The following BRINP3 variants were observed in gnomAD, a reference collection of about 807,000 sequenced individuals.
BRINP3 encodes BMP/retinoic acid inducible neural specific 3, also known as BMP/retinoic acid-inducible neural-specific protein 3.
Under a neutral mutation model 71.0 loss-of-function variants are expected in BRINP3, and 19 were observed. That is an observed-to-expected ratio of 0.27 (90% CI 0.19 to 0.39). The LOEUF (loss-of-function observed/expected upper bound fraction) is 0.39. Ranked by LOEUF, BRINP3 falls within the 10% of genes least tolerant of loss-of-function variation. The probability of loss-of-function intolerance (pLI) is 1.00; values close to 1 mark genes in which losing one functional copy is unlikely to be tolerated. For missense variants in BRINP3, 959 were observed against 940.8 expected, an observed-to-expected ratio of 1.02 and a Z score of -0.25; for synonymous variants, 380 against 337.7, an observed-to-expected ratio of 1.13 and a Z score of -1.37.
intron 1 of BRINP3, among the ~76,000 whole-genome samples, chr1:190,456,006 A>T (rs1483175410): frequency 6.6e-6 from 1 of 152,198 alleles, no homozygotes; most frequent in Non-Finnish European, 1.5e-5. Context: ...GAGTGCAAAG[A>T]TTCTGACTAA....
intron 2 of BRINP3, among the ~76,000 whole-genome samples, chr1:190,453,610 G>A (rs569523011): frequency 7.9e-5 from 12 of 152,190 alleles, no homozygotes; most frequent in South Asian, 4.2e-4. Context: ...TCTTATTTTT[G>A]AGAAGGCAAA....
chr1:190,169,039 C>T (rs1374322844), intron 6 of BRINP3, among the ~76,000 whole-genome samples: 1 of 152,140 alleles, frequency 6.6e-6, no homozygotes, highest in Non-Finnish European at 1.5e-5. Flanking sequence ...CGTAGATCAT[C>T]TCACTGTGCC....
At chr1:190,169,103 G>A (rs1264037438) in intron 6 of BRINP3, among the ~76,000 whole-genome samples, 2 of 152,062 alleles carry the variant, frequency 1.3e-5, no homozygotes, top group Non-Finnish European at 2.9e-5. Flanking sequence ...TGTGAAATAT[G>A]TAAAAAAACA....
chr1:190,255,344 T>C (rs1660565946), intron 4 of BRINP3, among the ~76,000 whole-genome samples: 2 of 152,130 alleles, frequency 1.3e-5, no homozygotes, highest in Non-Finnish European at 2.9e-5. Flanking sequence ...ATTGGAATGG[T>C]TTCAGAAGGA....
chr1:190,453,203 ATTTTTTTTTTT>A (rs1190785225), intron 2 of BRINP3, among the ~76,000 whole-genome samples: 349 of 40,900 alleles, frequency 8.5e-3, no homozygotes, highest in African/African-American at 0.029. Flanking sequence ...AAACTTTAGT[ATTTTTTTTTTT>A]TTTTTTTTTT....
chr1:190,193,877 C>A (rs1654256227), intron 6 of BRINP3, among the ~76,000 whole-genome samples: 1 of 152,004 alleles, frequency 6.6e-6, no homozygotes, highest in Non-Finnish European at 1.5e-5. Flanking sequence ...AGGGTAAGAG[C>A]CAATCTTCTG....
intron 7 of BRINP3, among the ~76,000 whole-genome samples, chr1:190,147,148 A>C (rs1655960317): frequency 6.6e-6 from 1 of 151,996 alleles, no homozygotes; most frequent in Non-Finnish European, 1.5e-5. Context: ...AGTTTTTTAA[A>C]ATTATATTCT....
chr1:190,411,500 C>T (rs2102409918), intron 2 of BRINP3, among the ~76,000 whole-genome samples: 1 of 152,090 alleles, frequency 6.6e-6, no homozygotes, highest in East Asian at 1.9e-4. Context: ...ACTCTGTAAA[C>T]TTTGTGTGAA....
At chr1:190,384,221 GT>G (rs1670737296) in intron 2 of BRINP3, among the ~76,000 whole-genome samples, 1 of 150,610 alleles carries the variant, frequency 6.6e-6, no homozygotes, top group Non-Finnish European at 1.5e-5. Flanking sequence ...TTAGTATAGT[GT>G]CATGAATATG....
chr1:190,398,710 T>C (rs1558250926), intron 2 of BRINP3, among the ~76,000 whole-genome samples: 1 of 152,048 alleles, frequency 6.6e-6, no homozygotes, highest in Non-Finnish European at 1.5e-5. Flanking sequence ...TGTTTTATGT[T>C]TACATTTTAT....
At chr1:190,393,222 C>A (rs1671360835) in intron 2 of BRINP3, among the ~76,000 whole-genome samples, 1 of 151,478 alleles carries the variant, frequency 6.6e-6, no homozygotes, top group South Asian at 2.1e-4. Context: ...TATTTAAATA[C>A]ATATTCATGT....
intron 6 of BRINP3, among the ~76,000 whole-genome samples, chr1:190,224,837 AATATCTGAATAC>A (rs1173261120): frequency 1.3e-5 from 2 of 152,086 alleles, no homozygotes; most frequent in Non-Finnish European, 2.9e-5. Flanking sequence ...GACTGGGCAG[AATATCTGAATAC>A]ATATTTCTCA....
intron 2 of BRINP3, among the ~76,000 whole-genome samples, chr1:190,339,628 C>T (rs1390882553): frequency 6.6e-6 from 1 of 151,898 alleles, no homozygotes; most frequent in African/African-American, 2.4e-5. Context: ...GTGGCTCATA[C>T]AATGTTATTC....
intron 7 of BRINP3, among the ~76,000 whole-genome samples, chr1:190,143,936 A>G (rs1469076673): frequency 1.3e-5 from 2 of 152,194 alleles, no homozygotes; most frequent in Non-Finnish European, 2.9e-5. Context: ...TATGATCAAT[A>G]AAACATTAAT....
At chr1:190,395,916 A>G (rs956315106) in intron 2 of BRINP3, among the ~76,000 whole-genome samples, 1 of 151,684 alleles carries the variant, frequency 6.6e-6, no homozygotes, top group African/African-American at 2.4e-5. Context: ...TAACACCTTC[A>G]CAGATTCTCT....
intron 6 of BRINP3, among the ~76,000 whole-genome samples, chr1:190,165,656 T>C (rs1009547900): frequency 4.0e-5 from 6 of 148,896 alleles, no homozygotes; most frequent in East Asian, 2.0e-4. Flanking sequence ...TTTCCTGGAA[T>C]ATGAGTTCCT....
At chr1:190,249,820 A>G (rs1045533885) in intron 4 of BRINP3, among the ~76,000 whole-genome samples, 2 of 151,918 alleles carry the variant, frequency 1.3e-5, no homozygotes, top group African/African-American at 4.8e-5. Context: ...AATGATATAT[A>G]TTATATAGTC....
chr1:190,101,943 G>A (rs1042739803), intron 7 of BRINP3, among the ~76,000 whole-genome samples: 4 of 152,106 alleles, frequency 2.6e-5, no homozygotes, highest in South Asian at 2.1e-4. Context: ...GAAGGAAAGC[G>A]TTTCGGCTGT....
chr1:190,286,333 G>C (rs1663423099), intron 2 of BRINP3, among the ~76,000 whole-genome samples: 4 of 151,928 alleles, frequency 2.6e-5, no homozygotes. Context: ...GTTAAATGCT[G>C]GTCACATAAT....
Sources: gnomAD v4.1 joint callset for allele counts (sites outside exome capture counted in the v4.1 genomes callset) on GRCh38, gnomAD v4.1.1 for gene constraint, MANE v1.5 for transcripts, NCBI Gene and HGNC (gene_info 2026-07-23, HGNC 2026-07-21) for gene names.